GRID2: variants seen among roughly 807,000 people sequenced by gnomAD.
GRID2 encodes glutamate ionotropic receptor delta type subunit 2, also known as glutamate receptor ionotropic, delta-2.
A neutral mutation model predicts 114.8 loss-of-function variants in GRID2; 33 were observed. That is an observed-to-expected ratio of 0.29 (90% confidence interval 0.22 to 0.38). GRID2 has a LOEUF of 0.38. GRID2 is among the 10% of genes least tolerant of loss of function. The probability of loss-of-function intolerance (pLI) is 1.00; values close to 1 mark genes in which losing one functional copy is unlikely to be tolerated. For synonymous variants in GRID2, 505 were observed against 449.9 expected, an observed-to-expected ratio of 1.12 and a Z score of -1.55; for missense variants, 1,184 against 1,257.7, an observed-to-expected ratio of 0.94 and a Z score of 0.89.
chr4:93,216,670 C>T (rs548967898), intron 5 of GRID2, 68 bp from the exon 6 acceptor site: 1 of 1,003,770 alleles, frequency 1.0e-6, no homozygotes, highest in East Asian at 2.4e-5. Context: ...CAGATAACAA[C>T]TCATAATAGG....
intron 2 of GRID2, among the ~76,000 whole-genome samples, chr4:92,768,693 C>A (rs911031034): frequency 6.6e-6 from 1 of 152,124 alleles, no homozygotes; most frequent in Non-Finnish European, 1.5e-5. Context: ...AGGAGCAACT[C>A]ACGTCTTACA....
intron 11 of GRID2, among the ~76,000 whole-genome samples, chr4:93,489,926 G>T (rs190957755): frequency 2.0e-5 from 3 of 151,998 alleles, no homozygotes; most frequent in East Asian, 2.0e-4. Context: ...AAGAGTCAAG[G>T]TAGGGGGCTA....
intron 8 of GRID2, among the ~76,000 whole-genome samples, chr4:93,303,808 T>C (rs1755126317): frequency 6.6e-6 from 1 of 152,202 alleles, no homozygotes; most frequent in Admixed American, 6.6e-5. Flanking sequence ...AGATTACTCA[T>C]ACATCTTATG....
intron 2 of GRID2, among the ~76,000 whole-genome samples, chr4:92,796,232 T>TG (rs1739865210): frequency 6.6e-6 from 1 of 152,014 alleles, no homozygotes; most frequent in South Asian, 2.1e-4. Flanking sequence ...ATACTGTGTC[T>TG]GGGGGCAAGT....
chr4:93,712,933 T>C (rs1728609555), intron 14 of GRID2, among the ~76,000 whole-genome samples: 1 of 152,192 alleles, frequency 6.6e-6, no homozygotes, highest in African/African-American at 2.4e-5. Context: ...GTATCCAGTA[T>C]GCAAGTCAGT....
chr4:92,721,380 A>T (rs1233111644), intron 2 of GRID2, among the ~76,000 whole-genome samples: 1 of 152,132 alleles, frequency 6.6e-6, no homozygotes, highest in Non-Finnish European at 1.5e-5. Flanking sequence ...CAAATAAATC[A>T]TTGGTGGTAT....
Position 92,838,117 on chromosome 4 carries a change from A to C in GRID2, c.245-246878A>C, listed in dbSNP as rs569907096. 7.9e-5 allele frequency among the ~76,000 whole-genome samples: 12 copies of C among 152,226 alleles called. No homozygotes were observed. The South Asian group carries it at 2.5e-3, about 32-fold the overall frequency. ...AAAGCCATGGTGTTTTACCTCCTTC[A>C]ATATTATATTGACATTATTTGCACA... On this transcript the variant is annotated intron_variant, in intron 2 of 15. Transcript: ENST00000282020.
intron 2 of GRID2, among the ~76,000 whole-genome samples, chr4:92,896,122 G>T (rs1381579606): frequency 6.6e-6 from 1 of 152,088 alleles, no homozygotes; most frequent in Non-Finnish European, 1.5e-5. Context: ...TTGTGCTGAG[G>T]TTTATACAAT....
chr4:93,171,229 A>G (rs1248496913), intron 4 of GRID2, among the ~76,000 whole-genome samples: 1 of 152,134 alleles, frequency 6.6e-6, no homozygotes, highest in East Asian at 1.9e-4. Flanking sequence ...CTCCAGCAAT[A>G]CAGACTTTTT....
chr4:92,406,745 A>G (rs1346628901), intron 1 of GRID2, among the ~76,000 whole-genome samples: 1 of 150,838 alleles, frequency 6.6e-6, no homozygotes, highest in Non-Finnish European at 1.5e-5. Flanking sequence ...GTTATTCCCA[A>G]CCTTACAATT....
intron 8 of GRID2, among the ~76,000 whole-genome samples, chr4:93,283,957 G>C (rs1257493865): frequency 6.6e-6 from 1 of 151,984 alleles, no homozygotes; most frequent in African/African-American, 2.4e-5. Context: ...GTATATTAAT[G>C]GTTACACTAT....
At chr4:93,012,771 TTA>T (rs1467495147) in intron 2 of GRID2, among the ~76,000 whole-genome samples, 4 of 151,632 alleles carry the variant, frequency 2.6e-5, no homozygotes, top group African/African-American at 4.9e-5. Flanking sequence ...TTTGAATTGC[TTA>T]CCTAAAGTTA....
intron 4 of GRID2, among the ~76,000 whole-genome samples, chr4:93,175,010 G>GT (rs1463005811): frequency 6.6e-6 from 1 of 152,096 alleles, no homozygotes; most frequent in Non-Finnish European, 1.5e-5. Flanking sequence ...GGGTGATATG[G>GT]TAAGTGCCTA....
At chr4:92,530,107 C>T (rs1560691666) in intron 1 of GRID2, among the ~76,000 whole-genome samples, 1 of 151,104 alleles carries the variant, frequency 6.6e-6, no homozygotes, top group African/African-American at 2.4e-5. Flanking sequence ...ACTCTAGGTA[C>T]TGATTTTATG....
chr4:92,515,480 G>C (rs976150339), intron 1 of GRID2, among the ~76,000 whole-genome samples: 1 of 151,796 alleles, frequency 6.6e-6, no homozygotes, highest in African/African-American at 2.4e-5. Flanking sequence ...TTATTACAAA[G>C]AGGTTGGATT....
intron 15 of GRID2, among the ~76,000 whole-genome samples, chr4:93,771,446 A>C (rs1019303382): frequency 6.6e-6 from 1 of 152,154 alleles, no homozygotes; most frequent in Non-Finnish European, 1.5e-5. Flanking sequence ...CACAGTATTG[A>C]CTGATTCAGG....
chr4:92,818,940 T>G (rs947359405), intron 2 of GRID2, among the ~76,000 whole-genome samples: 1 of 152,084 alleles, frequency 6.6e-6, no homozygotes, highest in African/African-American at 2.4e-5. Context: ...TAGCATATAA[T>G]TTTTCTCATT....
intron 1 of GRID2, among the ~76,000 whole-genome samples, chr4:92,307,362 T>C (rs1400689958): frequency 6.6e-6 from 1 of 152,062 alleles, no homozygotes; most frequent in Non-Finnish European, 1.5e-5. Context: ...AATGAAAGGT[T>C]TTCCCAGCCT....
intron 2 of GRID2, among the ~76,000 whole-genome samples, chr4:92,977,880 G>A (rs761315856): frequency 3.9e-5 from 6 of 152,166 alleles, no homozygotes; most frequent in Non-Finnish European, 8.8e-5. Flanking sequence ...GAGAAAAACA[G>A]AAATGGGAGA....
Sources: gnomAD v4.1 joint callset for allele counts (sites outside exome capture counted in the v4.1 genomes callset) on GRCh38, gnomAD v4.1.1 for gene constraint, MANE v1.5 for transcripts, NCBI Gene and HGNC (gene_info 2026-07-23, HGNC 2026-07-21) for gene names.